Variants in SSBP3 observed in about 807,000 individuals in gnomAD.
SSBP3 encodes single stranded DNA binding protein 3, also known as single-stranded DNA-binding protein 3.
Under a neutral mutation model 69.6 loss-of-function variants are expected in SSBP3, and 5 were observed. The ratio of observed to expected loss-of-function variants is 0.07; its 90% CI spans 0.04 to 0.15. The LOEUF (loss-of-function observed/expected upper bound fraction) is 0.15. Among genes scored for constraint, SSBP3 ranks in the 10% least tolerant of loss-of-function variants. The pLI, the probability that SSBP3 is intolerant of heterozygous loss-of-function variation, is 1.00. For missense variants in SSBP3, 312 were observed against 534.0 expected, an observed-to-expected ratio of 0.58 and a Z score of 4.10; for synonymous variants, 196 against 193.4, an observed-to-expected ratio of 1.01 and a Z score of -0.11.
chr1:54,394,091 G>A (rs908943112), intron 4 of SSBP3, among the ~76,000 whole-genome samples: 14 of 152,154 alleles, frequency 9.2e-5, no homozygotes, highest in Non-Finnish European at 5.9e-5. Context: ...TTTTCCACCC[G>A]AGGAAGTTGA....
At chr1:54,316,661 AAAATAAATAAATAAATAAAT>A (rs201860772) in intron 4 of SSBP3, among the ~76,000 whole-genome samples, 25 of 60,998 alleles carry the variant, frequency 4.1e-4, no homozygotes, top group African/African-American at 2.4e-3. Flanking sequence ...AAAAAAAAAT[AAAATAAATAAATAAATAAAT>A]AAATAAATAA....
intron 4 of SSBP3, among the ~76,000 whole-genome samples, chr1:54,282,068 TAA>T (rs530025313): frequency 3.0e-3 from 449 of 150,850 alleles, no homozygotes; most frequent in African/African-American, 0.01. Flanking sequence ...ATAATAATAA[TAA>T]TAAAAAAATG....
chr1:54,256,486 C>T (rs900943073), intron 7 of SSBP3, among the ~76,000 whole-genome samples: 2 of 152,112 alleles, frequency 1.3e-5, no homozygotes, highest in African/African-American at 4.8e-5. Context: ...ATTGCCAACC[C>T]TAATGGGCCA....
chr1:54,390,670 A>G (rs1016957742), intron 4 of SSBP3, among the ~76,000 whole-genome samples: 2 of 152,232 alleles, frequency 1.3e-5, no homozygotes, highest in South Asian at 4.1e-4. Context: ...CAATTGGCCA[A>G]TTCGGAGATA....
chr1:54,404,761 A>C (rs1649573448), intron 2 of SSBP3, 97 bp downstream of exon 2: 4 of 1,036,944 alleles, frequency 3.9e-6, no homozygotes, highest in Admixed American at 4.1e-5. Context: ...AAAATTCAAA[A>C]TGGTGGCCAC....
At chr1:54,240,097 CGCGTGTGCGT>C (rs1251893780) in intron 13 of SSBP3, among the ~76,000 whole-genome samples, 39 of 12,636 alleles carry the variant, frequency 3.1e-3, no homozygotes, top group Non-Finnish European at 6.7e-4. Context: ...TGCGCGCGCG[CGCGTGTGCGT>C]GCGCGCGCGC....
At chr1:54,268,360 G>A (rs1196728514) in intron 5 of SSBP3, among the ~76,000 whole-genome samples, 5 of 152,374 alleles carry the variant, frequency 3.3e-5, no homozygotes, top group East Asian at 1.9e-4. Flanking sequence ...ACAACACAGC[G>A]AAGGTGATGT....
At chr1:54,280,748 G>A (rs943402323) in intron 5 of SSBP3, among the ~76,000 whole-genome samples, 6 of 124,980 alleles carry the variant, frequency 4.8e-5, no homozygotes, top group South Asian at 2.2e-4. Context: ...GGTGGCAGCC[G>A]CGCCCAACCT....
intron 5 of SSBP3, among the ~76,000 whole-genome samples, chr1:54,277,073 A>G (rs1243668190): frequency 1.3e-5 from 2 of 152,204 alleles, no homozygotes; most frequent in African/African-American, 2.4e-5. Context: ...TGCCTTGCAT[A>G]TCAGAGACGG....
chr1:54,390,765 C>T (rs887159921), intron 4 of SSBP3, among the ~76,000 whole-genome samples: 6 of 152,240 alleles, frequency 3.9e-5, no homozygotes, highest in Admixed American at 1.3e-4. Context: ...GAGCCCTGCC[C>T]GGAGCTGCGG....
intron 7 of SSBP3, among the ~76,000 whole-genome samples, chr1:54,256,739 G>A (rs906638269): frequency 1.3e-5 from 2 of 152,062 alleles, no homozygotes; most frequent in African/African-American, 2.4e-5. Context: ...AAGCTTCCAG[G>A]AAAAAATGCA....
At position 54,405,899 on chromosome 1, in the gene SSBP3, C is replaced by A. The variant is rs1158524462; in HGVS notation, c.56+54G>T. ...GCCCGCCCACCTGCCTCCCACCGCCCGCCCGCCCGCAGCCCGGCGGCGGCG... is the reference window on the plus strand; with the variant it reads ...GCCCGCCCACCTGCCTCCCACCGCCAGCCCGCCCGCAGCCCGGCGGCGGCG... On this transcript the variant is annotated intron_variant, in intron 1 of 17. Coordinates refer to ENST00000610401, the Ensembl canonical transcript of SSBP3. 8 of 1,093,546 alleles carry A rather than the reference C, an allele frequency of 7.3e-6. No individual in the cohort carries two copies. The African/African-American group carries it at 1.4e-4, about 19-fold the overall frequency. The allele number at this position is 1,093,546 out of a possible 1,614,324, so 67.7% of individuals were successfully genotyped here.
At chr1:54,408,878 G>C (rs765386711), upstream of SSBP3, among the ~76,000 whole-genome samples, 1 of 152,194 alleles carries the variant, frequency 6.6e-6, no homozygotes, top group African/African-American at 2.4e-5. Flanking sequence ...CAACAAAGCT[G>C]CACGATGGTT....
chr1:54,285,155 T>C (rs777096943), intron 4 of SSBP3, among the ~76,000 whole-genome samples: 12 of 152,216 alleles, frequency 7.9e-5, no homozygotes, highest in African/African-American at 1.2e-4. Flanking sequence ...TTGATAGTTA[T>C]TGCTGTTCTT....
intron 4 of SSBP3, among the ~76,000 whole-genome samples, chr1:54,332,349 T>G (rs1005215218): frequency 6.6e-6 from 1 of 151,952 alleles, no homozygotes; most frequent in Non-Finnish European, 1.5e-5. Flanking sequence ...AAACTAAAAG[T>G]GGAGCAGGGA....
intron 4 of SSBP3, among the ~76,000 whole-genome samples, chr1:54,316,633 G>C (rs1386276428): frequency 8.1e-6 from 1 of 123,104 alleles, no homozygotes; most frequent in African/African-American, 3.5e-5. Flanking sequence ...GGGCGACAGA[G>C]CGAGACTCCG....
intron 5 of SSBP3, among the ~76,000 whole-genome samples, chr1:54,265,263 T>A (rs1220867972): frequency 1.3e-5 from 2 of 152,124 alleles, no homozygotes; most frequent in East Asian, 3.9e-4. Flanking sequence ...TTTCAACCCA[T>A]GGGAATGAAC....
chr1:54,381,188 T>C (rs966558802), intron 4 of SSBP3, among the ~76,000 whole-genome samples: 1 of 151,794 alleles, frequency 6.6e-6, no homozygotes, highest in Non-Finnish European at 1.5e-5. Context: ...AGGAAGACCA[T>C]CCTGGCCAAC....
At chr1:54,389,755 T>C (rs1648349655) in intron 4 of SSBP3, among the ~76,000 whole-genome samples, 1 of 151,972 alleles carries the variant, frequency 6.6e-6, no homozygotes, top group Non-Finnish European at 1.5e-5. Context: ...CACATGCCTG[T>C]AGTCCCAGTT....
Sources: allele counts gnomAD v4.1 joint callset (sites outside exome capture counted in the v4.1 genomes callset), GRCh38; gene constraint gnomAD v4.1.1; transcripts MANE v1.5; gene names NCBI Gene and HGNC (gene_info 2026-07-23, HGNC 2026-07-21).